SEMA3E: variants seen among roughly 807,000 people sequenced by gnomAD.
The protein encoded by SEMA3E is semaphorin 3E.
In SEMA3E, 49 loss-of-function variants were observed where a neutral mutation model predicts 93.6. The observed-to-expected ratio is 0.52, with a 90% CI of 0.42 to 0.66. SEMA3E has a LOEUF of 0.66. Ranked by LOEUF, SEMA3E falls within the 30% of genes least tolerant of loss-of-function variation. SEMA3E has a pLI of 0.00. For missense variants in SEMA3E, 906 were observed against 964.8 expected, an observed-to-expected ratio of 0.94 and a Z score of 0.81; for synonymous variants, 363 against 330.7, an observed-to-expected ratio of 1.10 and a Z score of -1.06.
At chr7:83,476,988 T>G (rs1790024466) in intron 2 of SEMA3E, among the ~76,000 whole-genome samples, 1 of 152,116 alleles carries the variant, frequency 6.6e-6, no homozygotes, top group Non-Finnish European at 1.5e-5. Context: ...AAAAATAAAA[T>G]AAAGTATAAA....
chr7:83,548,752 T>C (rs1316920661), intron 1 of SEMA3E, among the ~76,000 whole-genome samples: 1 of 152,100 alleles, frequency 6.6e-6, no homozygotes, highest in East Asian at 1.9e-4. Context: ...TGTTCCTAAA[T>C]ACACCACGCA....
chr7:83,595,205 A>T (rs1792844812), intron 1 of SEMA3E, among the ~76,000 whole-genome samples: 1 of 152,224 alleles, frequency 6.6e-6, no homozygotes, highest in East Asian at 1.9e-4. Context: ...AGACAAAAAA[A>T]TTGGTTTATC....
At chr7:83,432,751 A>G (rs1242775527) in intron 4 of SEMA3E, among the ~76,000 whole-genome samples, 6 of 152,230 alleles carry the variant, frequency 3.9e-5, no homozygotes, top group African/African-American at 1.4e-4. Context: ...CATTTTATCA[A>G]GAAATTCTCC....
chr7:83,519,654 C>T (rs1791004899), intron 1 of SEMA3E, among the ~76,000 whole-genome samples: 1 of 152,056 alleles, frequency 6.6e-6, no homozygotes, highest in Non-Finnish European at 1.5e-5. Context: ...GGATGTATCT[C>T]CTATTATAGC....
At chr7:83,600,806 C>T (rs1367929099) in intron 1 of SEMA3E, among the ~76,000 whole-genome samples, 2 of 151,736 alleles carry the variant, frequency 1.3e-5, no homozygotes, top group African/African-American at 2.4e-5. Flanking sequence ...AATGTAAATC[C>T]CAAAGTGCAG....
intron 1 of SEMA3E, among the ~76,000 whole-genome samples, chr7:83,593,239 TC>T (rs1373029394): frequency 6.4e-5 from 9 of 140,950 alleles, no homozygotes; most frequent in African/African-American, 2.1e-4. Flanking sequence ...TCTCTCTCTT[TC>T]GCTCTTTCTC....
chr7:83,554,226 TA>T (rs1470418928), intron 1 of SEMA3E, among the ~76,000 whole-genome samples: 1 of 152,174 alleles, frequency 6.6e-6, no homozygotes, highest in Non-Finnish European at 1.5e-5. Flanking sequence ...ATGACCAAAG[TA>T]ACAATTACTG....
intron 1 of SEMA3E, among the ~76,000 whole-genome samples, chr7:83,538,999 C>T (rs1791463871): frequency 6.6e-6 from 1 of 152,132 alleles, no homozygotes; most frequent in African/African-American, 2.4e-5. Flanking sequence ...TAGCTGTCTG[C>T]TCATCTATAA....
intron 1 of SEMA3E, among the ~76,000 whole-genome samples, chr7:83,606,566 A>G (rs1793123417): frequency 7.1e-6 from 1 of 140,718 alleles, no homozygotes; most frequent in Non-Finnish European, 1.5e-5. Flanking sequence ...GAACAATGAG[A>G]TCACATGGAC....
chr7:83,363,962 T>C lies in SEMA3E; in HGVS notation c.*3624A>G, dbSNP rs1411425845. The C allele has an allele frequency of 2.3e-5, 3 of 129,244 alleles. No homozygotes were observed. 8.0% of individuals were successfully genotyped at this position (129,244 alleles called of 1,614,324 possible). ...GACTGCGGACTGCAGTGGCGCAATC[T>C]CGGCTCACTGCAAGCTCCGCTTCCC... is the stretch of plus-strand genomic sequence containing the variant. On this transcript the variant is annotated 3_prime_UTR_variant, in exon 17 of 17. Coordinates refer to ENST00000643230, the MANE Select transcript of SEMA3E (RefSeq NM_012431.3).
chr7:83,418,575 A>T, intron 4 of SEMA3E, 92 bp from the exon 5 acceptor site: 1 of 885,906 alleles, frequency 1.1e-6, no homozygotes, highest in Non-Finnish European at 1.8e-6. Flanking sequence ...TCGATTATTT[A>T]TAAAGCATGT....
chr7:83,424,785 G>A (rs1365832983), intron 4 of SEMA3E: 1 of 162,530 alleles, frequency 6.2e-6, no homozygotes, highest in African/African-American at 2.4e-5. Context: ...GAGATAAGAT[G>A]TTTTGATAAA....
intron 4 of SEMA3E, among the ~76,000 whole-genome samples, chr7:83,430,252 G>T (rs1282757162): frequency 3.9e-5 from 6 of 152,050 alleles, no homozygotes; most frequent in Non-Finnish European, 7.4e-5. Context: ...ATCACTTGAG[G>T]CCAGGAGTTC....
At chr7:83,636,958 G>A (rs922673033) in intron 1 of SEMA3E, among the ~76,000 whole-genome samples, 3 of 151,866 alleles carry the variant, frequency 2.0e-5, no homozygotes, top group African/African-American at 7.3e-5. Flanking sequence ...ATTACGACCT[G>A]TCTCCTTTTA....
chr7:83,490,618 G>A (rs1431340022), intron 1 of SEMA3E, among the ~76,000 whole-genome samples: 3 of 152,038 alleles, frequency 2.0e-5, no homozygotes, highest in South Asian at 2.1e-4. Flanking sequence ...ACCCACCAGA[G>A]TGTGTTTATT....
At chr7:83,539,563 A>G (rs1284377005) in intron 1 of SEMA3E, among the ~76,000 whole-genome samples, 1 of 151,958 alleles carries the variant, frequency 6.6e-6, no homozygotes, top group East Asian at 1.9e-4. Flanking sequence ...GTTTGGTTCC[A>G]GCTTTCTTGG....
At chr7:83,585,215 C>T (rs1051562174) in intron 1 of SEMA3E, among the ~76,000 whole-genome samples, 2 of 152,122 alleles carry the variant, frequency 1.3e-5, no homozygotes, top group Admixed American at 1.3e-4. Flanking sequence ...CCACTCTCAC[C>T]ATCCCACCTA....
At chr7:83,467,779 T>G (rs1789801349) in intron 3 of SEMA3E, among the ~76,000 whole-genome samples, 1 of 152,256 alleles carries the variant, frequency 6.6e-6, no homozygotes. Context: ...GGGCAGAATC[T>G]ATTTTACGCA....
chr7:83,450,126 A>G (rs1789325671), intron 4 of SEMA3E, among the ~76,000 whole-genome samples: 1 of 152,224 alleles, frequency 6.6e-6, no homozygotes, highest in Non-Finnish European at 1.5e-5. Flanking sequence ...AAAAAGACAG[A>G]CAATGCTTAA....
Sources: gnomAD v4.1 joint callset for allele counts (sites outside exome capture counted in the v4.1 genomes callset) on GRCh38, gnomAD v4.1.1 for gene constraint, MANE v1.5 for transcripts, NCBI Gene and HGNC (gene_info 2026-07-23, HGNC 2026-07-21) for gene names.